The following PPP5C variants were observed in gnomAD, a reference collection of about 807,000 sequenced individuals.
PPP5C encodes the protein protein phosphatase 5 catalytic subunit.
Under a neutral mutation model 66.7 loss-of-function variants are expected in PPP5C, and 21 were observed. The ratio of observed to expected loss-of-function variants is 0.31; its 90% confidence interval spans 0.22 to 0.45. The LOEUF (loss-of-function observed/expected upper bound fraction) is 0.45. PPP5C is among the 20% of genes least tolerant of loss of function. The pLI, the probability that PPP5C is intolerant of heterozygous loss-of-function variation, is 1.00. For missense variants in PPP5C, 464 were observed against 675.9 expected, an observed-to-expected ratio of 0.69 and a Z score of 3.48; for synonymous variants, 246 against 257.4, an observed-to-expected ratio of 0.96 and a Z score of 0.43.
chr19:46,353,868 C>T lies in PPP5C; in HGVS notation c.242C>T (p.Ala81Val), dbSNP rs776101874. The T allele has an allele frequency of 1.2e-6, 2 of 1,608,832 alleles. No individual in the cohort carries two copies. The highest frequency in any genetic ancestry group is 1.1e-5 in the South Asian group (1 of 90,246). Reference protein sequence around the residue: ...AYLRTECYGYALGDATRAIEL... With the variant: ...AYLRTECYGYVLGDATRAIEL... ...CTGCGCACTGAGTGCTATGGCTACG[C>T]GCTGGGAGACGCCACGCGGGCCATT... The change falls in exon 2 of 13, where the codon GCG becomes GTG. Residue 81 changes from alanine (A) to valine (V), a missense_variant. Transcript: ENST00000012443.
intron 2 of PPP5C, among the ~76,000 whole-genome samples, chr19:46,356,435 G>A (rs1972288496): frequency 6.6e-6 from 1 of 152,224 alleles, no homozygotes; most frequent in Admixed American, 6.5e-5. Context: ...GCTCGCCAGG[G>A]AAGCAGAGCA....
intron 2 of PPP5C, among the ~76,000 whole-genome samples, chr19:46,366,120 A>G (rs1277779967): frequency 6.6e-6 from 1 of 152,168 alleles, no homozygotes; most frequent in Non-Finnish European, 1.5e-5. Context: ...GGAGGAACAC[A>G]GTGGGTTTGT....
chr19:46,384,818 CTT>C lies in PPP5C; in HGVS notation c.815_816del (p.Phe272CysfsTer46). On this transcript the variant is annotated frameshift_variant, in exon 7 of 13. Transcript: ENST00000012443. LOFTEE classifies it high-confidence loss of function. ...CAGCAGGACAGATATTTAATGGTGA[CTT>C]TGTGGACCGAGGCTCCTTCTCTGTA... ...ETNPYIFNGD[F>X]VDRGSFSVEV... 1 of 1,613,870 alleles carries C rather than the reference CTT, an allele frequency of 6.2e-7. No homozygotes were observed. The highest frequency in any genetic ancestry group is 2.2e-5 in the East Asian group (1 of 44,876).
intron 9 of PPP5C, 80 bp downstream of exon 9, chr19:46,387,533 C>T (rs562676901): frequency 1.7e-5 from 28 of 1,610,264 alleles, no homozygotes; most frequent in Non-Finnish European, 2.3e-5. Context: ...AGCCCTGCCT[C>T]GGAGGATGGG....
chr19:46,371,030 A>T (rs1384375199), intron 2 of PPP5C, among the ~76,000 whole-genome samples: 1 of 152,138 alleles, frequency 6.6e-6, no homozygotes, highest in Non-Finnish European at 1.5e-5. Context: ...GTGAGCCACC[A>T]CGTCCAGCCT....
chr19:46,349,581 T>C (rs1972146745), intron 1 of PPP5C, among the ~76,000 whole-genome samples: 1 of 151,686 alleles, frequency 6.6e-6, no homozygotes, highest in African/African-American at 2.4e-5. Flanking sequence ...GGAAGTCAGA[T>C]TGGGGAATAT....
intron 7 of PPP5C, among the ~76,000 whole-genome samples, chr19:46,386,527 G>A (rs1021963466): frequency 1.4e-5 from 2 of 147,166 alleles, no homozygotes; most frequent in East Asian, 4.4e-4. Context: ...CTCTGGAAGG[G>A]AAGAAGGAGG....
chr19:46,368,551 C>G (rs1972529929), intron 2 of PPP5C, among the ~76,000 whole-genome samples: 1 of 152,176 alleles, frequency 6.6e-6, no homozygotes, highest in South Asian at 2.1e-4. Flanking sequence ...TAATTTGTTA[C>G]CTTTTTATTT....
chr19:46,375,134 T>G (rs1972668989), intron 2 of PPP5C, among the ~76,000 whole-genome samples: 1 of 152,168 alleles, frequency 6.6e-6, no homozygotes, highest in African/African-American at 2.4e-5. Context: ...AGAGATTAGG[T>G]AACCTGGGCT....
chr19:46,375,506 G>A, intron 2 of PPP5C, 98 bp from the exon 3 acceptor site: 1 of 1,521,436 alleles, frequency 6.6e-7, no homozygotes, highest in Non-Finnish European at 8.8e-7. Context: ...CAGGCGGTCT[G>A]ACTTCCACTT....
At chr19:46,367,145 A>G (rs1972504409) in intron 2 of PPP5C, among the ~76,000 whole-genome samples, 1 of 152,202 alleles carries the variant, frequency 6.6e-6, no homozygotes, top group Non-Finnish European at 1.5e-5. Context: ...ATGGTGTGAA[A>G]GCACAACCCA....
intron 2 of PPP5C, among the ~76,000 whole-genome samples, chr19:46,356,450 C>T (rs981746402): frequency 2.0e-5 from 3 of 152,340 alleles, no homozygotes; most frequent in Admixed American, 6.5e-5. Flanking sequence ...AGAGCAAAGA[C>T]GTGACCTTGG....
rs749073667 is a variant in PPP5C, at chr19:46,353,842, C to T, written c.216C>T (p.Tyr72=). ...AIYYGNRSLA[Y]LRTECYGYAL... ...ACTATGGCAACCGCAGCCTGGCCTA[C>T]CTGCGCACTGAGTGCTATGGCTACG... Residue 72 remains tyrosine (Y), a synonymous_variant, in exon 2 of 13, where the codon TAC becomes TAT. Coordinates refer to ENST00000012443, the MANE Select transcript of PPP5C (RefSeq NM_006247.4). 3 of 1,612,060 alleles carry T rather than the reference C, an allele frequency of 1.9e-6. No homozygotes were observed. The highest frequency in any genetic ancestry group is 2.5e-6 in the Non-Finnish European group (3 of 1,179,294).
chr19:46,374,472 T>C (rs2147387898), intron 2 of PPP5C, among the ~76,000 whole-genome samples: 1 of 152,182 alleles, frequency 6.6e-6, no homozygotes, highest in East Asian at 1.9e-4. Flanking sequence ...ACAGGTGAAG[T>C]CACTTGCCCA....
intron 1 of PPP5C, among the ~76,000 whole-genome samples, chr19:46,351,498 G>C (rs1972183236): frequency 2.0e-5 from 3 of 152,236 alleles, no homozygotes; most frequent in South Asian, 4.1e-4. Context: ...CAGTGAGGCA[G>C]AGCTCAGAAA....
At chr19:46,385,904 G>A (rs1143438) in intron 7 of PPP5C, among the ~76,000 whole-genome samples, 33,370 of 150,294 alleles carry the variant, frequency 0.22, 4,291 homozygotes, top group Non-Finnish European at 0.3. Context: ...TGATCACACC[G>A]CTGCACTCCA....
chr19:46,384,137 G>C (rs1471608315), intron 6 of PPP5C: 3 of 504,246 alleles, frequency 5.9e-6, no homozygotes, highest in South Asian at 2.7e-5. Context: ...GTCTTGGCTT[G>C]TCTTCGTCTG....
chr19:46,358,943 A>G (rs1264951805), intron 2 of PPP5C, among the ~76,000 whole-genome samples: 3 of 152,126 alleles, frequency 2.0e-5, no homozygotes, highest in Non-Finnish European at 4.4e-5. Context: ...GGAGTGGGAC[A>G]TGACTGCTCC....
intron 4 of PPP5C, among the ~76,000 whole-genome samples, chr19:46,379,722 G>A (rs1568574550): frequency 6.6e-6 from 1 of 152,168 alleles, no homozygotes; most frequent in Non-Finnish European, 1.5e-5. Flanking sequence ...GAGGGGTGGA[G>A]TGTTACATGG....
Sources: gnomAD v4.1 joint callset for allele counts (sites outside exome capture counted in the v4.1 genomes callset) on GRCh38, gnomAD v4.1.1 for gene constraint, MANE v1.5 for transcripts, NCBI Gene and HGNC (gene_info 2026-07-23, HGNC 2026-07-21) for gene names.